Variants in MECOM observed in about 807,000 individuals in gnomAD.
The protein encoded by MECOM is histone-lysine N-methyltransferase MECOM.
MECOM carries 13 observed loss-of-function variants against 116.3 expected under a neutral mutation model. The observed-to-expected ratio is 0.11, with a 90% CI of 0.07 to 0.18. The LOEUF (loss-of-function observed/expected upper bound fraction) is 0.18, where lower values mean the gene tolerates loss of function less well. Ranked by LOEUF, MECOM falls within the 10% of genes least tolerant of loss-of-function variation. The pLI is 1.00. For missense variants in MECOM, 1,299 were observed against 1,509.0 expected (o/e 0.86, Z 2.31); for synonymous variants, 528 against 535.2 (o/e 0.99, Z 0.19).
In MECOM at chr3:169,116,341, G is replaced by A; in HGVS notation, c.1531C>T (p.Pro511Ser). ...HRPPLIPASS[P>S]VKGLSSTEQT... ...TCAGTACTTGATAGTCCTTTAACAG[G>A]AGAACTAGCAGGTATCAAAGGAGGC... Residue 511 changes from proline (P) to serine (S), a missense_variant, in exon 8 of 17, where the codon CCT (proline) becomes TCT (serine). Physicochemically the swap from Pro to Ser is moderately conservative, Grantham distance 74. Coordinates refer to ENST00000651503, the MANE Select transcript of MECOM (RefSeq NM_004991.4). 1 of 1,614,180 alleles carries A rather than the reference G, an allele frequency of 6.2e-7. No individual in the cohort carries two copies. The highest frequency in any genetic ancestry group is 8.5e-7 in the Non-Finnish European group (1 of 1,180,040).
At chr3:169,145,049 A>C in intron 2 of MECOM, 2 of 1,549,972 alleles carry the variant, frequency 1.3e-6, no homozygotes, top group Non-Finnish European at 1.7e-6. Flanking sequence ...AAGAAGCCCT[A>C]TGAATAAGCC....
At chr3:169,162,898 A>T (rs1035475769) in intron 2 of MECOM, among the ~76,000 whole-genome samples, 1 of 152,196 alleles carries the variant, frequency 6.6e-6, no homozygotes, top group African/African-American at 2.4e-5. Context: ...TTACTAACAC[A>T]CTAAAGGTTC....
At chr3:169,284,624 AATATCCAT>A (rs1712886823) in intron 2 of MECOM, among the ~76,000 whole-genome samples, 1 of 151,928 alleles carries the variant, frequency 6.6e-6, no homozygotes, top group Non-Finnish European at 1.5e-5. Context: ...TGTATAGATA[AATATCCAT>A]ATATATATGC....
intron 4 of MECOM, among the ~76,000 whole-genome samples, chr3:169,128,427 G>A (rs961162792): frequency 2.0e-5 from 3 of 152,188 alleles, no homozygotes; most frequent in Admixed American, 1.3e-4. Flanking sequence ...TTGTAAGTCA[G>A]ATTTTTATCC....
intron 1 of MECOM, among the ~76,000 whole-genome samples, chr3:169,609,677 GT>G (rs1769017509): frequency 6.6e-6 from 1 of 152,144 alleles, no homozygotes; most frequent in African/African-American, 2.4e-5. Context: ...AACACTATTC[GT>G]TTTCTTTTGA....
intron 1 of MECOM, among the ~76,000 whole-genome samples, chr3:169,594,429 C>T (rs1201443171): frequency 1.3e-5 from 2 of 152,012 alleles, no homozygotes; most frequent in African/African-American, 4.8e-5. Context: ...ATCAGCATCA[C>T]CTAGAAAGTC....
intron 9 of MECOM, among the ~76,000 whole-genome samples, chr3:169,109,873 G>A (rs1726763286): frequency 6.6e-6 from 1 of 152,050 alleles, no homozygotes; most frequent in Admixed American, 6.6e-5. Context: ...GAATATGCTG[G>A]GAACAATATA....
intron 2 of MECOM, among the ~76,000 whole-genome samples, chr3:169,224,804 A>T (rs11706782): frequency 0.1 from 15,588 of 152,280 alleles, 907 homozygotes; most frequent in Non-Finnish European, 0.13. Flanking sequence ...GAAAAGCCCC[A>T]TGGGCTGTAA....
chr3:169,587,108 G>A (rs1235378284), intron 1 of MECOM, among the ~76,000 whole-genome samples: 1 of 152,026 alleles, frequency 6.6e-6, no homozygotes, highest in African/African-American at 2.4e-5. Context: ...TTAAATAATT[G>A]CCCAAAGATG....
At chr3:169,149,670 G>C (rs768570034) in intron 2 of MECOM, 8 of 498,642 alleles carry the variant, frequency 1.6e-5, no homozygotes, top group African/African-American at 1.6e-4. Flanking sequence ...ATCAGCCTGA[G>C]AGAAGGCTAT....
chr3:169,509,844 C>T (rs1483349824), intron 1 of MECOM, among the ~76,000 whole-genome samples: 1 of 152,174 alleles, frequency 6.6e-6, no homozygotes, highest in African/African-American at 2.4e-5. Context: ...CCGTTTGAGT[C>T]TCTGCTTTCT....
Position 169,122,694 on chromosome 3 carries a change from C to T in MECOM, c.864G>A (p.Glu288=). 6.2e-7 allele frequency: 1 copy of T among 1,614,016 alleles called. No homozygotes were observed. Among genetic ancestry groups the T allele is most frequent in the Non-Finnish European group, 8.5e-7 (1 of 1,179,892 alleles). Residue 288 remains glutamate, a synonymous_variant, in exon 6 of 17, where the codon GAG becomes GAA. Transcript: ENST00000651503. ...LEKHMLSHTE[E]REYKCDQCPK... is the part of the protein sequence containing the mutation. The stretch of plus-strand genomic sequence containing the variant: ...GACACTGATCACACTTGTATTCCCT[C>T]TCTTCAGTATGTGACAGCATGTGTT...
chr3:169,662,488 T>A (rs1776419129), intron 1 of MECOM, among the ~76,000 whole-genome samples: 2 of 151,724 alleles, frequency 1.3e-5, no homozygotes, highest in South Asian at 4.2e-4. Flanking sequence ...GCCTCTTCTC[T>A]CCCCACGTCC....
chr3:169,502,503 T>C (rs1384976324), intron 1 of MECOM, among the ~76,000 whole-genome samples: 13 of 152,098 alleles, frequency 8.5e-5, no homozygotes. Flanking sequence ...CCAGTGTCTG[T>C]TGACTGCAAC....
chr3:169,618,794 C>A (rs1437744563), intron 1 of MECOM, among the ~76,000 whole-genome samples: 1 of 152,168 alleles, frequency 6.6e-6, no homozygotes, highest in East Asian at 1.9e-4. Context: ...CCTTTTGCTT[C>A]CCCACTGTAT....
intron 1 of MECOM, among the ~76,000 whole-genome samples, chr3:169,574,730 G>A (rs1764283254): frequency 6.6e-6 from 1 of 152,116 alleles, no homozygotes; most frequent in Non-Finnish European, 1.5e-5. Flanking sequence ...ACTGAAGGTT[G>A]GAGTTGAATT....
chr3:169,301,662 T>C (rs1436276328), intron 2 of MECOM, among the ~76,000 whole-genome samples: 2 of 152,222 alleles, frequency 1.3e-5, no homozygotes, highest in African/African-American at 4.8e-5. Context: ...TCAAATAATG[T>C]AATTACCAAG....
chr3:169,572,160 C>A (rs549733041), intron 1 of MECOM, among the ~76,000 whole-genome samples: 18 of 152,042 alleles, frequency 1.2e-4, no homozygotes, highest in Non-Finnish European at 2.4e-4. Context: ...ATCAAACAAC[C>A]CCATCAAAAA....
intron 2 of MECOM, among the ~76,000 whole-genome samples, chr3:169,334,303 C>G (rs1723238053): frequency 1.3e-5 from 2 of 152,126 alleles, no homozygotes; most frequent in Admixed American, 1.3e-4. Flanking sequence ...ATAATTTTAT[C>G]TTTGTTGATG....
Sources: allele counts gnomAD v4.1 joint callset (sites outside exome capture counted in the v4.1 genomes callset), GRCh38; gene constraint gnomAD v4.1.1; transcripts MANE v1.5; gene names NCBI Gene and HGNC (gene_info 2026-07-23, HGNC 2026-07-21).